ZNF618: variants seen among roughly 807,000 people sequenced by gnomAD.
ZNF618 encodes zinc finger protein 618, also known as neural precursor cell expressed, developmentally down-regulated 10.
A neutral mutation model predicts 103.0 loss-of-function variants in ZNF618; 34 were observed. That is an observed-to-expected ratio of 0.33 (90% confidence interval 0.25 to 0.44). ZNF618 has a LOEUF of 0.44. ZNF618 is among the 20% of genes least tolerant of loss of function. The pLI is 1.00. For missense variants in ZNF618, 1,059 were observed against 1,295.4 expected (o/e 0.82, Z 2.80); for synonymous variants, 551 against 542.2 (o/e 1.02, Z -0.23).
chr9:113,950,155 T>G (rs1835425123), intron 1 of ZNF618, among the ~76,000 whole-genome samples: 1 of 152,202 alleles, frequency 6.6e-6, no homozygotes, highest in Non-Finnish European at 1.5e-5. Flanking sequence ...CGGTTATGGT[T>G]TCCAGGTATT....
intron 1 of ZNF618, among the ~76,000 whole-genome samples, chr9:113,906,573 G>A (rs2150016): frequency 0.037 from 5,570 of 152,190 alleles, 567 homozygotes; most frequent in East Asian, 0.3. Context: ...CAAGTGCTCC[G>A]TGGAGTCATT....
At chr9:113,907,553 A>G in intron 1 of ZNF618, among the ~76,000 whole-genome samples, 1 of 152,110 alleles carries the variant, frequency 6.6e-6, no homozygotes. Context: ...CTTATCCAAT[A>G]ATCAGAACCA....
chr9:114,024,774 G>A (rs757699889), intron 10 of ZNF618, among the ~76,000 whole-genome samples: 8 of 149,968 alleles, frequency 5.3e-5, no homozygotes, highest in African/African-American at 1.2e-4. Context: ...TAGGCTTTGC[G>A]GAGACTCATC....
intron 3 of ZNF618, 105 bp from the exon 4 acceptor site, chr9:113,998,154 T>C: frequency 1.0e-6 from 1 of 999,578 alleles, no homozygotes; most frequent in Admixed American, 2.1e-5. Flanking sequence ...GTAGGCAGTG[T>C]GATCTTGTCC....
intron 2 of ZNF618, among the ~76,000 whole-genome samples, chr9:113,971,504 C>T (rs1164982716): frequency 6.6e-6 from 1 of 152,180 alleles, no homozygotes; most frequent in Non-Finnish European, 1.5e-5. Context: ...TTTATTCACC[C>T]AGCCAGACAT....
chr9:114,048,024 A>C (rs1472051049), intron 14 of ZNF618, 30 bp downstream of exon 14: 1 of 1,534,672 alleles, frequency 6.5e-7, no homozygotes, highest in Non-Finnish European at 8.8e-7. Flanking sequence ...GCTGGACCTG[A>C]GGGTCCCCTT....
intron 1 of ZNF618, among the ~76,000 whole-genome samples, chr9:113,932,609 A>G (rs1007277551): frequency 6.6e-6 from 1 of 152,264 alleles, no homozygotes; most frequent in African/African-American, 2.4e-5. Context: ...CGTTGAATGA[A>G]TGTCGATGTC....
intron 1 of ZNF618, among the ~76,000 whole-genome samples, chr9:113,943,160 T>C (rs377090525): frequency 4.6e-5 from 7 of 152,346 alleles, no homozygotes; most frequent in African/African-American, 1.7e-4. Flanking sequence ...ATCTTTTTTC[T>C]GTCTGGCACT....
intron 1 of ZNF618, among the ~76,000 whole-genome samples, chr9:113,884,267 G>A (rs1469238215): frequency 6.6e-6 from 1 of 152,124 alleles, no homozygotes; most frequent in African/African-American, 2.4e-5. Context: ...GAGCATAGTC[G>A]GAGAGCCAAG....
intron 12 of ZNF618, among the ~76,000 whole-genome samples, chr9:114,034,891 C>T (rs1476245215): frequency 6.6e-6 from 1 of 152,212 alleles, no homozygotes; most frequent in African/African-American, 2.4e-5. Flanking sequence ...GATGTCTTCT[C>T]ACCAGTACTC....
At chr9:113,992,785 G>A (rs894380993) in intron 3 of ZNF618, among the ~76,000 whole-genome samples, 12 of 152,216 alleles carry the variant, frequency 7.9e-5, no homozygotes, top group African/African-American at 2.9e-4. Flanking sequence ...GGGGAGCCCG[G>A]GTCATGGACA....
intron 1 of ZNF618, among the ~76,000 whole-genome samples, chr9:113,903,977 A>G (rs1456612802): frequency 4.0e-5 from 6 of 148,794 alleles, no homozygotes; most frequent in East Asian, 3.9e-4. Flanking sequence ...TATTTCTTCA[A>G]ATATCTTTCT....
At chr9:113,908,356 A>G (rs1333347898) in intron 1 of ZNF618, among the ~76,000 whole-genome samples, 1 of 152,186 alleles carries the variant, frequency 6.6e-6, no homozygotes, top group East Asian at 1.9e-4. Context: ...AAAAAAATGG[A>G]GGAGGGAGGA....
intron 2 of ZNF618, among the ~76,000 whole-genome samples, chr9:113,969,362 T>C (rs113768684): frequency 3.3e-5 from 5 of 152,296 alleles, no homozygotes; most frequent in African/African-American, 9.6e-5. Context: ...GTGACCAGAA[T>C]CCAAGGATGG....
chr9:113,904,491 G>T (rs762954665), intron 1 of ZNF618, among the ~76,000 whole-genome samples: 8 of 152,188 alleles, frequency 5.3e-5, no homozygotes, highest in Middle Eastern at 3.4e-3. Flanking sequence ...GATTGTTTTA[G>T]TGCTGGCAGT....
chr9:114,048,542 A>C, intron 14 of ZNF618, 109 bp from the exon 15 acceptor site: 1 of 1,187,864 alleles, frequency 8.4e-7, no homozygotes, highest in East Asian at 2.4e-5. Context: ...TGCAAGAGGA[A>C]ATATATTTGC....
chr9:113,949,975 A>G (rs73658308), intron 1 of ZNF618, among the ~76,000 whole-genome samples: 1,710 of 152,148 alleles, frequency 0.011, 29 homozygotes, highest in African/African-American at 0.039. Context: ...GATTATCCTG[A>G]CTTTTTATTT....
intron 2 of ZNF618, among the ~76,000 whole-genome samples, chr9:113,981,431 G>A (rs886148544): frequency 2.6e-5 from 4 of 152,174 alleles, no homozygotes; most frequent in Non-Finnish European, 4.4e-5. Flanking sequence ...CACTCATTGT[G>A]CACATTGGAA....
At position 114,055,855 on chromosome 9, in the gene ZNF618, C is replaced by T. The variant is rs754219385; in HGVS notation, c.*5688C>T. The T allele has an allele frequency of 1.3e-5, 2 of 152,180 alleles. No individual in the cohort carries two copies. Among genetic ancestry groups the T allele is most frequent in the Non-Finnish European group, 2.9e-5 (2 of 67,968 alleles). 9.4% of individuals were successfully genotyped at this position (152,180 alleles called of 1,614,324 possible). ...GTTTAATATTTCTTAATACCGGTAG[C>T]ATTAATTTATACTTTTGTAGCAACA... On this transcript the variant is annotated 3_prime_UTR_variant, in exon 15 of 15. Transcript: ENST00000374126.
Sources: gnomAD v4.1 joint callset for allele counts (sites outside exome capture counted in the v4.1 genomes callset) on GRCh38, gnomAD v4.1.1 for gene constraint, MANE v1.5 for transcripts, NCBI Gene and HGNC (gene_info 2026-07-23, HGNC 2026-07-21) for gene names.